Variants in ALG9 observed in about 807,000 individuals in gnomAD.
ALG9 encodes the protein alpha-1,2-mannosyltransferase ALG9.
A neutral mutation model predicts 81.8 loss-of-function variants in ALG9; 55 were observed. The ratio of observed to expected loss-of-function variants is 0.67; its 90% CI spans 0.54 to 0.84. ALG9 has a LOEUF of 0.84. ALG9 is among the 40% of genes least tolerant of loss of function. ALG9 has a pLI of 0.00. For synonymous variants in ALG9, 278 were observed against 274.3 expected, an observed-to-expected ratio of 1.01 and a Z score of -0.13; for missense variants, 629 against 745.0, an observed-to-expected ratio of 0.84 and a Z score of 1.81.
chr11:111,861,274 C>G (rs1222741863), intron 4 of ALG9, among the ~76,000 whole-genome samples: 1 of 152,208 alleles, frequency 6.6e-6, no homozygotes, highest in African/African-American at 2.4e-5. Flanking sequence ...TACTGCTTCA[C>G]TCAGTCAATG....
chr11:111,810,080 T>A (rs782767375), intron 13 of ALG9, among the ~76,000 whole-genome samples: 4 of 152,168 alleles, frequency 2.6e-5, no homozygotes, highest in Non-Finnish European at 5.9e-5. Context: ...GGAAAACCTA[T>A]CTTCTTCTGC....
At chr11:111,852,683 C>T (rs528061200) in intron 8 of ALG9, among the ~76,000 whole-genome samples, 2 of 152,088 alleles carry the variant, frequency 1.3e-5, no homozygotes, top group Non-Finnish European at 2.9e-5. Context: ...TGCCTGTAAT[C>T]CCAGCACTTT....
At chr11:111,791,030 T>C (rs1947320798) in intron 14 of ALG9, among the ~76,000 whole-genome samples, 1 of 152,242 alleles carries the variant, frequency 6.6e-6, no homozygotes, top group Admixed American at 6.5e-5. Flanking sequence ...TTGCTATGAT[T>C]AAAAATTTCA....
At chr11:111,803,480 G>A (rs1949445953) in intron 14 of ALG9, among the ~76,000 whole-genome samples, 1 of 144,330 alleles carries the variant, frequency 6.9e-6, no homozygotes, top group South Asian at 2.3e-4. Flanking sequence ...CAACCTGGGT[G>A]ACAGAGTAAG....
intron 14 of ALG9, among the ~76,000 whole-genome samples, chr11:111,801,602 G>T (rs1421145934): frequency 6.6e-6 from 1 of 152,120 alleles, no homozygotes; most frequent in Non-Finnish European, 1.5e-5. Context: ...AGAAATTTTG[G>T]AATCAGAATG....
chr11:111,801,805 T>C (rs1357465004), intron 14 of ALG9, among the ~76,000 whole-genome samples: 1 of 152,232 alleles, frequency 6.6e-6, no homozygotes, highest in African/African-American at 2.4e-5. Flanking sequence ...GGCATTCCCC[T>C]GTTACCAGGA....
chr11:111,854,167 G>A (rs890315640), intron 6 of ALG9, among the ~76,000 whole-genome samples: 7 of 145,466 alleles, frequency 4.8e-5, no homozygotes, highest in Non-Finnish European at 7.5e-5. Context: ...GCGCAATCTC[G>A]GCTCACTACC....
intron 8 of ALG9, among the ~76,000 whole-genome samples, chr11:111,850,692 G>C (rs1016590275): frequency 5.2e-5 from 3 of 57,210 alleles, no homozygotes; most frequent in African/African-American, 1.7e-4. Context: ...GGGTGACAGA[G>C]CGAGATACTG....
downstream of ALG9, among the ~76,000 whole-genome samples, chr11:111,781,588 T>G (rs1484903191): frequency 6.6e-6 from 1 of 152,214 alleles, no homozygotes; most frequent in Non-Finnish European, 1.5e-5. Context: ...GATCCAGGAC[T>G]TCATCTCTTT....
At chr11:111,852,343 C>A (rs997760944) in intron 8 of ALG9, among the ~76,000 whole-genome samples, 11 of 152,196 alleles carry the variant, frequency 7.2e-5, no homozygotes, top group African/African-American at 2.2e-4. Context: ...CTCATCCCCC[C>A]ATTACTGTAA....
intron 8 of ALG9, among the ~76,000 whole-genome samples, chr11:111,850,259 T>C (rs1413313334): frequency 1.3e-5 from 2 of 152,238 alleles, no homozygotes; most frequent in African/African-American, 4.8e-5. Flanking sequence ...CACACTAATG[T>C]AACCCAATGG....
chr11:111,793,336 C>T (rs924347901), intron 14 of ALG9, among the ~76,000 whole-genome samples: 3 of 152,282 alleles, frequency 2.0e-5, no homozygotes, highest in African/African-American at 7.2e-5. Context: ...TCATTTCTAA[C>T]ATTCCAGCTG....
intron 5 of ALG9, among the ~76,000 whole-genome samples, chr11:111,858,386 A>G (rs781945346): frequency 6.6e-6 from 1 of 152,214 alleles, no homozygotes; most frequent in Non-Finnish European, 1.5e-5. Flanking sequence ...AATATGCTTT[A>G]AAAGACTTAG....
At chr11:111,824,020 T>C (rs782495616) in intron 13 of ALG9, among the ~76,000 whole-genome samples, 8 of 152,212 alleles carry the variant, frequency 5.3e-5, no homozygotes, top group Non-Finnish European at 1.2e-4. Context: ...AACTGGATGA[T>C]ATCTCTTAGT....
the ALG9 span, chr11:111,769,141 TAA>T: frequency 7.7e-5 from 9 of 117,154 alleles, no homozygotes; most frequent in Admixed American, 9.2e-5. Context: ...ACCCCATCTC[TAA>T]AAAAAAAAAA....
intron 4 of ALG9, among the ~76,000 whole-genome samples, chr11:111,863,921 T>G (rs191113048): frequency 1.3e-5 from 2 of 152,286 alleles, no homozygotes; most frequent in East Asian, 3.9e-4. Context: ...AGAATTAAAA[T>G]GAATGATATA....
intron 8 of ALG9, 43 bp from the exon 9 acceptor site, chr11:111,844,766 T>C (rs1484036402): frequency 6.2e-7 from 1 of 1,601,500 alleles, no homozygotes; most frequent in Non-Finnish European, 8.5e-7. Flanking sequence ...TGGATGCCTT[T>C]AACACCTATT....
chr11:111,840,925 T>C lies in ALG9; in HGVS notation c.1019-116A>G, dbSNP rs1393362912. 6 of 1,236,662 alleles carry C rather than the reference T, an allele frequency of 4.9e-6. No individual in the cohort carries two copies. In the Admixed American group the frequency reaches 9.2e-5, roughly 19 times the overall value. The allele number at this position is 1,236,662 out of a possible 1,614,324, so 76.6% of individuals were successfully genotyped here. On this transcript the variant is annotated intron_variant, in intron 9 of 14. Transcript: ENST00000616540. ...GTATGCCCTAGGACACTCCATAGAA[T>C]GTTTCTACTCTTGTATTCACACTTT...
intron 14 of ALG9, among the ~76,000 whole-genome samples, chr11:111,788,834 G>A (rs1012092898): frequency 6.6e-6 from 1 of 151,974 alleles, no homozygotes; most frequent in Non-Finnish European, 1.5e-5. Context: ...ATGCAAAATA[G>A]AGCAAACTCC....
Sources: gnomAD v4.1 joint callset for allele counts (sites outside exome capture counted in the v4.1 genomes callset) on GRCh38, gnomAD v4.1.1 for gene constraint, MANE v1.5 for transcripts, NCBI Gene and HGNC (gene_info 2026-07-23, HGNC 2026-07-21) for gene names.